Variants in LSAMP observed in about 807,000 individuals in gnomAD.
LSAMP encodes the protein limbic system-associated membrane protein.
Under a neutral mutation model 38.6 loss-of-function variants are expected in LSAMP, and 7 were observed. The ratio of observed to expected loss-of-function variants is 0.18; its 90% CI spans 0.10 to 0.34. LSAMP has a LOEUF of 0.34. LSAMP is among the 10% of genes least tolerant of loss of function. The pLI is 1.00. For synonymous variants in LSAMP, 154 were observed against 166.8 expected (o/e 0.92, Z 0.59); for missense variants, 313 against 420.0 (o/e 0.75, Z 2.23).
intron 1 of LSAMP, among the ~76,000 whole-genome samples, chr3:116,120,846 T>C (rs1003104264): frequency 6.6e-6 from 1 of 152,216 alleles, no homozygotes; most frequent in African/African-American, 2.4e-5. Flanking sequence ...TAAAACAAAC[T>C]TGATGGATGC....
chr3:116,220,350 G>GACACACACACAC (rs10575234), intron 1 of LSAMP, among the ~76,000 whole-genome samples: 21 of 138,592 alleles, frequency 1.5e-4, no homozygotes, highest in African/African-American at 4.3e-4. Context: ...ATTTGCATAT[G>GACACACACACAC]ACACACACAC....
intron 2 of LSAMP, among the ~76,000 whole-genome samples, chr3:116,046,701 G>C (rs964535195): frequency 2.0e-5 from 3 of 152,162 alleles, no homozygotes; most frequent in African/African-American, 7.2e-5. Flanking sequence ...GGGAGCCTTG[G>C]CAGTTGTGCA....
intron 6 of LSAMP, among the ~76,000 whole-genome samples, chr3:115,829,425 T>G (rs533876585): frequency 6.6e-6 from 1 of 152,348 alleles, no homozygotes; most frequent in African/African-American, 2.4e-5. Context: ...TCATGTGTAT[T>G]AATCAGAGCC....
chr3:116,418,495 T>TC (rs969933727), intron 1 of LSAMP, among the ~76,000 whole-genome samples: 14 of 152,130 alleles, frequency 9.2e-5, no homozygotes, highest in African/African-American at 3.4e-4. Flanking sequence ...TCATGTTTTT[T>TC]TTTAAATTTA....
At chr3:115,947,710 A>G (rs1236522314) in intron 3 of LSAMP, among the ~76,000 whole-genome samples, 1 of 152,238 alleles carries the variant, frequency 6.6e-6, no homozygotes, top group Non-Finnish European at 1.5e-5. Flanking sequence ...AATTATTCCT[A>G]TATAACCCAT....
intron 6 of LSAMP, among the ~76,000 whole-genome samples, chr3:115,837,047 G>A (rs1934810856): frequency 6.6e-6 from 1 of 152,180 alleles, no homozygotes; most frequent in Non-Finnish European, 1.5e-5. Flanking sequence ...GCTTGGCCTA[G>A]GCTTTGCCAA....
intron 1 of LSAMP, among the ~76,000 whole-genome samples, chr3:116,103,771 T>G (rs1708402702): frequency 6.6e-6 from 1 of 152,072 alleles, no homozygotes; most frequent in Non-Finnish European, 1.5e-5. Flanking sequence ...GACTGTAAAA[T>G]TAAGGAAGTC....
At chr3:116,267,662 C>T (rs1300858470) in intron 1 of LSAMP, among the ~76,000 whole-genome samples, 1 of 150,800 alleles carries the variant, frequency 6.6e-6, no homozygotes, top group Non-Finnish European at 1.5e-5. Context: ...CAGTGAACTG[C>T]TCATTAGTTT....
chr3:116,368,641 A>C (rs2048388838), intron 1 of LSAMP, among the ~76,000 whole-genome samples: 1 of 152,210 alleles, frequency 6.6e-6, no homozygotes, highest in Non-Finnish European at 1.5e-5. Context: ...TGTTTCAGTC[A>C]AATAGGCCAG....
intron 3 of LSAMP, among the ~76,000 whole-genome samples, chr3:115,916,829 G>T (rs1480540818): frequency 1.3e-5 from 2 of 152,088 alleles, no homozygotes; most frequent in Non-Finnish European, 2.9e-5. Context: ...CTCTATCTCT[G>T]TCACCCAAGC....
chr3:116,058,540 T>C (rs902376633), intron 2 of LSAMP, among the ~76,000 whole-genome samples: 7 of 152,162 alleles, frequency 4.6e-5, no homozygotes, highest in South Asian at 2.1e-4. Context: ...TAACACTCTT[T>C]GAAGTTAATC....
At chr3:116,056,734 A>C (rs1941496610) in intron 2 of LSAMP, among the ~76,000 whole-genome samples, 1 of 152,194 alleles carries the variant, frequency 6.6e-6, no homozygotes, top group Non-Finnish European at 1.5e-5. Context: ...CCCCAGAGAT[A>C]CCTAGTGCTC....
At chr3:116,399,861 T>C (rs2048815748) in intron 1 of LSAMP, among the ~76,000 whole-genome samples, 1 of 152,196 alleles carries the variant, frequency 6.6e-6, no homozygotes, top group Admixed American at 6.5e-5. Context: ...AGCTCACTTA[T>C]GTAGAAAGCA....
chr3:115,912,318 A>C (rs986885572), intron 3 of LSAMP, among the ~76,000 whole-genome samples: 2 of 152,168 alleles, frequency 1.3e-5, no homozygotes, highest in African/African-American at 4.8e-5. Flanking sequence ...TAATTTTTAT[A>C]CCAGGTGTTA....
chr3:116,401,267 C>T (rs1022925649), intron 1 of LSAMP, among the ~76,000 whole-genome samples: 4 of 152,114 alleles, frequency 2.6e-5, no homozygotes, highest in Admixed American at 2.0e-4. Context: ...TTACATCATA[C>T]TACAATCTCC....
chr3:115,965,449 G>C (rs948361910), intron 3 of LSAMP, among the ~76,000 whole-genome samples: 1 of 151,672 alleles, frequency 6.6e-6, no homozygotes, highest in African/African-American at 2.4e-5. Flanking sequence ...TATAACCATG[G>C]GGTGAAGAAG....
At chr3:116,270,017 A>AT in intron 1 of LSAMP, among the ~76,000 whole-genome samples, 1 of 152,226 alleles carries the variant, frequency 6.6e-6, no homozygotes, top group Non-Finnish European at 1.5e-5. Flanking sequence ...AACATGACAA[A>AT]TTTTTCTAAA....
chr3:115,851,274 A>G (rs1935323028), intron 4 of LSAMP, among the ~76,000 whole-genome samples: 1 of 152,150 alleles, frequency 6.6e-6, no homozygotes, highest in African/African-American at 2.4e-5. Context: ...ATACCTGGCC[A>G]ATATAAATCT....
At chr3:116,327,718 A>G (rs2047792992) in intron 1 of LSAMP, among the ~76,000 whole-genome samples, 1 of 152,176 alleles carries the variant, frequency 6.6e-6, no homozygotes. Flanking sequence ...AGTCCCTAAT[A>G]ACATCTTATT....
Sources: gnomAD v4.1 joint callset for allele counts (sites outside exome capture counted in the v4.1 genomes callset) on GRCh38, gnomAD v4.1.1 for gene constraint, MANE v1.5 for transcripts, NCBI Gene and HGNC (gene_info 2026-07-23, HGNC 2026-07-21) for gene names.